Variants in STYX observed in about 807,000 individuals in gnomAD.
STYX encodes serine/threonine/tyrosine-interacting protein.
Under a neutral mutation model 42.7 loss-of-function variants are expected in STYX, and 20 were observed. The observed-to-expected ratio is 0.47, with a 90% CI of 0.33 to 0.68. STYX has a LOEUF of 0.68. Among genes scored for constraint, STYX ranks in the 30% least tolerant of loss-of-function variants. STYX has a pLI of 0.02. For synonymous variants in STYX, 78 were observed against 81.9 expected (o/e 0.95, Z 0.26); for missense variants, 226 against 268.5 (o/e 0.84, Z 1.11).
chr14:52,763,641 T>A (rs1351481531), intron 9 of STYX, among the ~76,000 whole-genome samples: 1 of 152,120 alleles, frequency 6.6e-6, no homozygotes, highest in East Asian at 1.9e-4. Context: ...GGTTTTAAAT[T>A]TTTTATTTTT....
At chr14:52,732,100 T>TG (rs1226009495) in intron 1 of STYX, among the ~76,000 whole-genome samples, 3 of 149,236 alleles carry the variant, frequency 2.0e-5, no homozygotes, top group South Asian at 2.1e-4. Context: ...GGTTTTTTTT[T>TG]TTTTTTTTTT....
chr14:52,744,312 A>G (rs1881312796), intron 1 of STYX, among the ~76,000 whole-genome samples: 1 of 152,236 alleles, frequency 6.6e-6, no homozygotes, highest in African/African-American at 2.4e-5. Flanking sequence ...CTAGACAAGA[A>G]TGTTAGGCCC....
intron 1 of STYX, among the ~76,000 whole-genome samples, chr14:52,736,611 A>G (rs1880962746): frequency 6.6e-6 from 1 of 152,206 alleles, no homozygotes; most frequent in South Asian, 2.1e-4. Context: ...GATCAAAGAT[A>G]GGAATTATTT....
rs8011937 is a variant in STYX, at chr14:52,733,905, C to T, written c.57+3374C>T. On this transcript the variant is annotated intron_variant, in intron 1 of 10. Transcript: ENST00000354586. ...GGGAGCTGCCCTAGCAGCACTCCCC[C>T]CCGACCCCCGCTGCTTTACCGAATC... 1.9e-3 allele frequency among the ~76,000 whole-genome samples: 283 copies of T among 152,268 alleles called. 1 individual carries two copies. The highest frequency in any genetic ancestry group is 6.6e-3 in the African/African-American group (275 of 41,546).
chr14:52,746,299 G>T, intron 2 of STYX, 127 bp from the exon 3 acceptor site: 2 of 587,772 alleles, frequency 3.4e-6, no homozygotes, highest in Non-Finnish European at 2.8e-6. Context: ...TAAAAAAATA[G>T]ATAATAGTTC....
chr14:52,747,900 G>A (rs532491354), intron 3 of STYX, among the ~76,000 whole-genome samples: 22 of 152,270 alleles, frequency 1.4e-4, no homozygotes, highest in African/African-American at 4.8e-4. Flanking sequence ...GCTGAGGCGC[G>A]AGAATTGCTT....
intron 3 of STYX, among the ~76,000 whole-genome samples, chr14:52,748,572 T>A (rs951928454): frequency 1.3e-5 from 2 of 152,222 alleles, no homozygotes; most frequent in Non-Finnish European, 2.9e-5. Flanking sequence ...TGAGGTAAGG[T>A]CATAATTTGC....
intron 1 of STYX, 39 bp downstream of exon 1, chr14:52,730,570 C>T (rs773710681): frequency 1.2e-6 from 2 of 1,606,374 alleles, no homozygotes; most frequent in African/African-American, 1.3e-5. Context: ...AGGCCTCTCC[C>T]TGTGGCTCCG....
intron 1 of STYX, among the ~76,000 whole-genome samples, chr14:52,732,732 G>A (rs1302991113): frequency 6.6e-6 from 1 of 151,874 alleles, no homozygotes; most frequent in African/African-American, 2.4e-5. Context: ...ATGCAGTGGC[G>A]TGATCTCCGC....
chr14:52,749,635 A>G (rs1053519722), intron 3 of STYX, among the ~76,000 whole-genome samples: 1 of 152,220 alleles, frequency 6.6e-6, no homozygotes, highest in Non-Finnish European at 1.5e-5. Context: ...CTTTTCTGTC[A>G]TGGAACTTAA....
At chr14:52,735,406 T>C (rs549540364) in intron 1 of STYX, among the ~76,000 whole-genome samples, 1 of 152,348 alleles carries the variant, frequency 6.6e-6, no homozygotes, top group East Asian at 1.9e-4. Context: ...ATCTAGGTCA[T>C]ATCCCTAATT....
intron 1 of STYX, among the ~76,000 whole-genome samples, chr14:52,735,644 G>A (rs1006244051): frequency 3.2e-4 from 49 of 152,302 alleles, no homozygotes; most frequent in African/African-American, 1.1e-3. Context: ...GTCTTAAGTA[G>A]TTAGAGTGAT....
At chr14:52,761,622 G>A (rs1443049809) in intron 9 of STYX, among the ~76,000 whole-genome samples, 5 of 139,772 alleles carry the variant, frequency 3.6e-5, no homozygotes, top group African/African-American at 8.0e-5. Flanking sequence ...AGGCTGGAGT[G>A]CAATGGCGCC....
chr14:52,770,884 T>C (rs541902505), intron 10 of STYX, 149 bp from the exon 11 acceptor site: 3 of 510,922 alleles, frequency 5.9e-6, no homozygotes, highest in African/African-American at 5.8e-5. Flanking sequence ...AGGTAATTTA[T>C]CACAAAGGAA....
At chr14:52,753,308 C>G (rs1411724046) in intron 4 of STYX, among the ~76,000 whole-genome samples, 1 of 151,978 alleles carries the variant, frequency 6.6e-6, no homozygotes, top group African/African-American at 2.4e-5. Flanking sequence ...GCCTCAGCCT[C>G]CCAAAGCACT....
intron 9 of STYX, among the ~76,000 whole-genome samples, chr14:52,767,929 T>C (rs758664209): frequency 1.3e-5 from 2 of 152,204 alleles, no homozygotes; most frequent in African/African-American, 4.8e-5. Context: ...CTTGGCTACA[T>C]GCAACCAAAT....
At chr14:52,757,647 T>G in intron 6 of STYX, 96 bp from the exon 7 acceptor site, 2 of 1,086,370 alleles carry the variant, frequency 1.8e-6, no homozygotes, top group Non-Finnish European at 2.8e-6. Context: ...TCCAAGTGAT[T>G]ATAGTATATA....
At chr14:52,743,947 G>C (rs963675245) in intron 1 of STYX, among the ~76,000 whole-genome samples, 1 of 152,056 alleles carries the variant, frequency 6.6e-6, no homozygotes, top group Non-Finnish European at 1.5e-5. Context: ...TCAGCCTCCT[G>C]TGTAGATGGG....
At chr14:52,761,297 C>T (rs1187419142) in intron 9 of STYX, among the ~76,000 whole-genome samples, 3 of 145,666 alleles carry the variant, frequency 2.1e-5, no homozygotes, top group Non-Finnish European at 3.0e-5. Flanking sequence ...CATTGCACTC[C>T]AGCCTGGGCA....
Sources: gnomAD v4.1 joint callset for allele counts (sites outside exome capture counted in the v4.1 genomes callset) on GRCh38, gnomAD v4.1.1 for gene constraint, MANE v1.5 for transcripts, NCBI Gene and HGNC (gene_info 2026-07-23, HGNC 2026-07-21) for gene names.